The following HPSE2 variants were observed in gnomAD, a reference collection of about 807,000 sequenced individuals.
The protein encoded by HPSE2 is heparanase 2 (inactive).
A neutral mutation model predicts 60.5 loss-of-function variants in HPSE2; 38 were observed. That is an observed-to-expected ratio of 0.63 (90% CI 0.48 to 0.82). HPSE2 has a LOEUF of 0.82. Among genes scored for constraint, HPSE2 ranks in the 40% least tolerant of loss-of-function variants. The probability of loss-of-function intolerance (pLI) is 0.00; values close to 1 mark genes in which losing one functional copy is unlikely to be tolerated. For missense variants in HPSE2, 713 were observed against 740.4 expected (o/e 0.96, Z 0.43); for synonymous variants, 295 against 293.2 (o/e 1.01, Z -0.06).
At chr10:98,464,838 A>T (rs1286705951) in intron 11 of HPSE2, among the ~76,000 whole-genome samples, 1 of 152,132 alleles carries the variant, frequency 6.6e-6, no homozygotes, top group Non-Finnish European at 1.5e-5. Flanking sequence ...TGGCTTGTGG[A>T]GATGTTAGAT....
chr10:99,179,610 G>A (rs1438455822), intron 2 of HPSE2, among the ~76,000 whole-genome samples: 1 of 152,030 alleles, frequency 6.6e-6, no homozygotes, highest in Non-Finnish European at 1.5e-5. Flanking sequence ...AATAAGAGAG[G>A]ACACAAACAA....
At chr10:99,286,545 T>C in the HPSE2 span, among the ~76,000 whole-genome samples, 1 of 152,106 alleles carries the variant, frequency 6.6e-6, no homozygotes, top group African/African-American at 2.4e-5. Flanking sequence ...AAGTGGGCGA[T>C]GAGGGTTAGT....
the HPSE2 span, among the ~76,000 whole-genome samples, chr10:99,286,032 T>C: frequency 6.6e-6 from 1 of 152,120 alleles, no homozygotes; most frequent in East Asian, 1.9e-4. Flanking sequence ...CCACTTCACA[T>C]GCACTAGGTT....
chr10:99,282,217 C>G, the HPSE2 span, among the ~76,000 whole-genome samples: 1 of 151,986 alleles, frequency 6.6e-6, no homozygotes, highest in Non-Finnish European at 1.5e-5. Context: ...CAAGATCATG[C>G]CACTGCACTC....
In HPSE2 at chr10:98,883,047, T is replaced by C. The variant is rs185145738; in HGVS notation, c.611-138991A>G. Among the ~76,000 whole-genome samples the C allele has an allele frequency of 1.4e-4, 21 of 152,210 alleles. No homozygotes were observed. In the East Asian group the frequency reaches 3.9e-3, roughly 28 times the overall value. On this transcript the variant is annotated intron_variant, in intron 3 of 11. Coordinates refer to ENST00000370552, the MANE Select transcript of HPSE2 (RefSeq NM_021828.5). ...AATGTTTAAAGCAATAAGAGCAGTT[T>C]TGCATGGAGAGGAAAAGCCATATGT...
intron 9 of HPSE2, among the ~76,000 whole-genome samples, chr10:98,535,635 A>G (rs1943259630): frequency 1.3e-5 from 2 of 152,124 alleles, no homozygotes; most frequent in Admixed American, 6.6e-5. Flanking sequence ...TTGGGACATG[A>G]TTCTTTAAAG....
intron 3 of HPSE2, among the ~76,000 whole-genome samples, chr10:99,021,514 T>C (rs1047873585): frequency 3.9e-5 from 6 of 151,976 alleles, no homozygotes; most frequent in Non-Finnish European, 8.8e-5. Context: ...AGACAAGATA[T>C]AGAGCGTCTC....
In HPSE2 at chr10:98,543,277, C is replaced by T. The variant is rs1313723698; in HGVS notation, c.1321-53081G>A. Among the ~76,000 whole-genome samples the T allele has an allele frequency of 2.0e-5, 3 of 151,928 alleles. No individual in the cohort carries two copies. In the South Asian group the frequency reaches 6.3e-4, roughly 32 times the overall value. ...AAAATACTTTACAGACAAGCAAATGCTGAGAGAGTTTGTCACCACCAGGCC... is the reference window on the plus strand; with the variant it reads ...AAAATACTTTACAGACAAGCAAATGTTGAGAGAGTTTGTCACCACCAGGCC... On this transcript the variant is annotated intron_variant, in intron 9 of 11. Transcript: ENST00000370552.
intron 9 of HPSE2, among the ~76,000 whole-genome samples, chr10:98,533,265 T>C (rs185588691): frequency 6.6e-6 from 1 of 152,328 alleles, no homozygotes; most frequent in East Asian, 1.9e-4. Flanking sequence ...TCACCATAAT[T>C]TGAGGCTCAA....
intron 9 of HPSE2, among the ~76,000 whole-genome samples, chr10:98,490,507 AC>A (rs1941607189): frequency 6.6e-6 from 1 of 152,168 alleles, no homozygotes; most frequent in African/African-American, 2.4e-5. Context: ...ATGAAATAAA[AC>A]CATTTGAGGC....
chr10:98,726,623 CTT>C (rs1949088579), intron 4 of HPSE2, among the ~76,000 whole-genome samples: 1 of 119,484 alleles, frequency 8.4e-6, no homozygotes, highest in Non-Finnish European at 1.7e-5. Flanking sequence ...TATTCTAAAA[CTT>C]AAAGTATAAT....
intron 3 of HPSE2, among the ~76,000 whole-genome samples, chr10:98,870,003 TA>T (rs1034850361): frequency 3.2e-4 from 48 of 152,302 alleles, no homozygotes; most frequent in African/African-American, 1.1e-3. Context: ...TTTAATGTTG[TA>T]GTGTAAGTTT....
At position 98,510,497 on chromosome 10, in the gene HPSE2, A is replaced by AGGT. The variant is rs533069235; in HGVS notation, c.1321-20304_1321-20302dup. On this transcript the variant is annotated intron_variant, in intron 9 of 11. Coordinates refer to ENST00000370552, the MANE Select transcript of HPSE2 (RefSeq NM_021828.5). ...TAGAGTGTGCACTGCTAGGCCAGAA[A>AGGT]GGTGGCAAAGGGAACCTGCTTATGG... is the stretch of plus-strand genomic sequence containing the variant. 2.8e-3 allele frequency among the ~76,000 whole-genome samples: 422 copies of AGGT among 152,340 alleles called. 2 individuals carry two copies. Among genetic ancestry groups the AGGT allele is most frequent in the African/African-American group, 9.7e-3 (402 of 41,582 alleles).
chr10:99,184,522 C>CAAAAAAAAAAAAAAAAAAAA (rs200059066), intron 2 of HPSE2, among the ~76,000 whole-genome samples: 5 of 60,788 alleles, frequency 8.2e-5, no homozygotes, highest in Non-Finnish European at 1.0e-4. Flanking sequence ...GAGACTGTCT[C>CAAAAAAAAAAAAAAAAAAAA]AAAAAAAAAA....
At chr10:98,556,977 G>A (rs1156907566) in intron 9 of HPSE2, among the ~76,000 whole-genome samples, 1 of 152,144 alleles carries the variant, frequency 6.6e-6, no homozygotes, top group Non-Finnish European at 1.5e-5. Context: ...TTGGGCGGCT[G>A]AGGGGGCGTG....
chr10:99,251,862 CAAAAAAAAAAA>C, the HPSE2 span, among the ~76,000 whole-genome samples: 7 of 57,264 alleles, frequency 1.2e-4, no homozygotes, highest in African/African-American at 1.9e-4. Flanking sequence ...CTCTCTCTAC[CAAAAAAAAAAA>C]AAAAAAAAAA....
intron 3 of HPSE2, among the ~76,000 whole-genome samples, chr10:98,971,935 G>GC (rs1161956196): frequency 2.0e-5 from 3 of 151,696 alleles, no homozygotes; most frequent in African/African-American, 7.3e-5. Context: ...TACTCCCCAG[G>GC]CCCCTACATT....
chr10:98,920,544 G>A (rs1243771321), intron 3 of HPSE2, among the ~76,000 whole-genome samples: 2 of 151,972 alleles, frequency 1.3e-5, no homozygotes. Context: ...AAACCACCCT[G>A]ACCTCAGGGT....
chr10:98,594,040 A>G (rs950493338), intron 9 of HPSE2, among the ~76,000 whole-genome samples: 5 of 152,148 alleles, frequency 3.3e-5, no homozygotes, highest in East Asian at 1.9e-4. Context: ...AAAATTATAC[A>G]TATATTTTTG....
Sources: allele counts gnomAD v4.1 joint callset (sites outside exome capture counted in the v4.1 genomes callset), GRCh38; gene constraint gnomAD v4.1.1; transcripts MANE v1.5; gene names NCBI Gene and HGNC (gene_info 2026-07-23, HGNC 2026-07-21).